MB21D2: variants seen among roughly 807,000 people sequenced by gnomAD.
The protein encoded by MB21D2 is nucleotidyltransferase MB21D2.
MB21D2 carries 9 observed loss-of-function variants against 33.3 expected under a neutral mutation model. That is an observed-to-expected ratio of 0.27 (90% CI 0.16 to 0.47). MB21D2 has a LOEUF of 0.47. MB21D2 is among the 20% of genes least tolerant of loss of function. MB21D2 has a pLI of 0.99. For missense variants in MB21D2, 540 were observed against 624.6 expected, an observed-to-expected ratio of 0.86 and a Z score of 1.44; for synonymous variants, 241 against 236.3, an observed-to-expected ratio of 1.02 and a Z score of -0.18.
In MB21D2 at chr3:192,917,577, G is replaced by A. The variant is rs1577207224; in HGVS notation, c.211+53C>T. 1.9e-6 allele frequency: 3 copies of A among 1,586,776 alleles called. No individual in the cohort carries two copies. In the East Asian group the frequency reaches 6.7e-5, roughly 36 times the overall value. ...GAAGCGGCAATGGGTTTTCTACTCC[G>A]CTTCCCATCACACACACACACGCAC... On this transcript the variant is annotated intron_variant, in intron 1 of 1. Coordinates refer to ENST00000392452, the MANE Select transcript of MB21D2 (RefSeq NM_178496.4).
chr3:192,819,534 G>T (rs943674581), intron 1 of MB21D2, among the ~76,000 whole-genome samples: 1 of 152,140 alleles, frequency 6.6e-6, no homozygotes, highest in Non-Finnish European at 1.5e-5. Flanking sequence ...TACTTATTGG[G>T]CTTCCTCTTA....
chr3:192,819,976 G>C (rs992035151), intron 1 of MB21D2, among the ~76,000 whole-genome samples: 1 of 152,124 alleles, frequency 6.6e-6, no homozygotes, highest in African/African-American at 2.4e-5. Context: ...CCCTACAAGG[G>C]GGTAGGGGAA....
chr3:192,875,091 T>G (rs1713401582), intron 1 of MB21D2, among the ~76,000 whole-genome samples: 1 of 152,106 alleles, frequency 6.6e-6, no homozygotes, highest in Admixed American at 6.5e-5. Context: ...CCCCGACTGA[T>G]ACAGTGTTTA....
At position 192,799,163 on chromosome 3, in the gene MB21D2, A is replaced by G. The variant is rs1462405452; in HGVS notation, c.699T>C (p.Tyr233=). Residue 233 remains tyrosine, a synonymous_variant, in exon 2 of 2, where the codon TAT becomes TAC. Coordinates refer to ENST00000392452, the MANE Select transcript of MB21D2 (RefSeq NM_178496.4). The surrounding 1 kb of genome is among the most constrained non-coding windows in gnomAD (Gnocchi z 4.1). ...ILGVGSSRML[Y]DIVPVVSFKG... ...TGAAAGATACCACAGGGACAATATC[A>G]TACAACATGCGACTACTCCCTACAC... 11 of 1,614,070 alleles carry G rather than the reference A, an allele frequency of 6.8e-6. No homozygotes were observed. The highest frequency in any genetic ancestry group is 9.3e-6 in the Non-Finnish European group (11 of 1,180,044).
At chr3:192,830,080 G>A (rs1712279912) in intron 1 of MB21D2, among the ~76,000 whole-genome samples, 1 of 151,958 alleles carries the variant, frequency 6.6e-6, no homozygotes, top group African/African-American at 2.4e-5. Flanking sequence ...ATGTTGCCCA[G>A]GCCTCAAGCC....
chr3:192,827,615 T>C (rs1032021495), intron 1 of MB21D2, among the ~76,000 whole-genome samples: 5 of 152,058 alleles, frequency 3.3e-5, no homozygotes, highest in African/African-American at 1.2e-4. Flanking sequence ...GGCATGAAGG[T>C]GGAAAGTAGA....
At chr3:192,873,655 G>A (rs1416773500) in intron 1 of MB21D2, among the ~76,000 whole-genome samples, 3 of 152,150 alleles carry the variant, frequency 2.0e-5, no homozygotes, top group South Asian at 4.1e-4. Flanking sequence ...CCTCGTCTGG[G>A]AGCTGCACTC....
At chr3:192,880,211 G>A (rs888921112) in intron 1 of MB21D2, among the ~76,000 whole-genome samples, 81 of 151,130 alleles carry the variant, frequency 5.4e-4, no homozygotes, top group African/African-American at 2.0e-3. Context: ...GCCAGGCGTG[G>A]TGGTGGGCAC....
intron 1 of MB21D2, among the ~76,000 whole-genome samples, chr3:192,829,103 C>A (rs1712257068): frequency 6.6e-6 from 1 of 152,192 alleles, no homozygotes; most frequent in Non-Finnish European, 1.5e-5. Context: ...CAGGCAATCT[C>A]TGTTCTGATT....
At chr3:192,868,554 T>C (rs1713218236) in intron 1 of MB21D2, among the ~76,000 whole-genome samples, 1 of 152,136 alleles carries the variant, frequency 6.6e-6, no homozygotes, top group Non-Finnish European at 1.5e-5. Context: ...CCCTGCTACT[T>C]AATGGAAAGA....
At chr3:192,882,951 T>C (rs1329446508) in intron 1 of MB21D2, among the ~76,000 whole-genome samples, 1 of 152,054 alleles carries the variant, frequency 6.6e-6, no homozygotes, top group African/African-American at 2.4e-5. Context: ...CAGGCTGGTC[T>C]CGAACTCCTG....
chr3:192,830,690 G>A (rs1712296967), intron 1 of MB21D2, among the ~76,000 whole-genome samples: 1 of 152,214 alleles, frequency 6.6e-6, no homozygotes, highest in South Asian at 2.1e-4. Flanking sequence ...GCTATTGGAA[G>A]CCTGCCTGTC....
chr3:192,900,284 CAAA>C (rs66984849), intron 1 of MB21D2, among the ~76,000 whole-genome samples: 8,867 of 90,918 alleles, frequency 0.098, 856 homozygotes, highest in African/African-American at 0.35. Context: ...GACTCTGTCT[CAAA>C]AAAAAAAAAA....
At chr3:192,883,532 C>G (rs956242963) in intron 1 of MB21D2, among the ~76,000 whole-genome samples, 1 of 152,110 alleles carries the variant, frequency 6.6e-6, no homozygotes, top group East Asian at 1.9e-4. Context: ...TAGTTTATAA[C>G]TAGGTTTTCT....
At chr3:192,867,386 T>A (rs1713192697) in intron 1 of MB21D2, among the ~76,000 whole-genome samples, 1 of 152,158 alleles carries the variant, frequency 6.6e-6, no homozygotes, top group Non-Finnish European at 1.5e-5. Context: ...TCTGTCAGTA[T>A]CTTATTTGCA....
intron 1 of MB21D2, among the ~76,000 whole-genome samples, chr3:192,857,835 C>T (rs926160619): frequency 2.0e-5 from 3 of 152,018 alleles, no homozygotes; most frequent in Non-Finnish European, 4.4e-5. Context: ...ATGATAAAAG[C>T]GGCCTTAGGT....
chr3:192,866,042 T>C (rs1313532424), intron 1 of MB21D2, among the ~76,000 whole-genome samples: 2 of 150,982 alleles, frequency 1.3e-5, no homozygotes, highest in East Asian at 4.0e-4. Flanking sequence ...AGGAAGATCC[T>C]GTCTAAAAAA....
chr3:192,808,514 T>C (rs1407070935), intron 1 of MB21D2, among the ~76,000 whole-genome samples: 2 of 152,216 alleles, frequency 1.3e-5, no homozygotes, highest in East Asian at 3.9e-4. Flanking sequence ...GTTTTCAGTG[T>C]AATGTTGTAA....
intron 1 of MB21D2, among the ~76,000 whole-genome samples, chr3:192,803,487 T>A (rs1273314973): frequency 1.3e-5 from 2 of 152,170 alleles, no homozygotes; most frequent in Non-Finnish European, 2.9e-5. Flanking sequence ...CCTTCCTACA[T>A]CCACATTTCC....
Sources: allele counts gnomAD v4.1 joint callset (sites outside exome capture counted in the v4.1 genomes callset), GRCh38; gene constraint gnomAD v4.1.1; non-coding constraint Gnocchi (gnomAD v3.1); transcripts MANE v1.5; gene names NCBI Gene and HGNC (gene_info 2026-07-23, HGNC 2026-07-21).